Variants in DCAF15 observed in about 807,000 individuals in gnomAD.
The protein encoded by DCAF15 is DDB1- and CUL4-associated factor 15.
A neutral mutation model predicts 68.0 loss-of-function variants in DCAF15; 24 were observed. The observed-to-expected ratio is 0.35, with a 90% CI of 0.26 to 0.50. The LOEUF (loss-of-function observed/expected upper bound fraction) is 0.50. Among genes scored for constraint, DCAF15 ranks in the 20% least tolerant of loss-of-function variants. The pLI is 0.98. For synonymous variants in DCAF15, 376 were observed against 341.6 expected, an observed-to-expected ratio of 1.10 and a Z score of -1.11; for missense variants, 627 against 830.6, an observed-to-expected ratio of 0.75 and a Z score of 3.01.
At chr19:13,953,013 TC>T in intron 1 of DCAF15, 1 of 1,302,832 alleles carries the variant, frequency 7.7e-7, no homozygotes, top group Non-Finnish European at 1.1e-6. Context: ...AATGGAACCT[TC>T]CCGCCCCCTT....
In DCAF15 at chr19:13,956,072, T is replaced by C. The variant is rs112164370; in HGVS notation, c.474-51T>C. On this transcript the variant is annotated intron_variant, in intron 4 of 12. Transcript: ENST00000254337. ...GCTGGTTGGGGCAGGGGGTGTGCAG[T>C]GGGGGCCCCCCAGGCGCCGACCAGG... The C allele has an allele frequency of 5.8e-3, 9,339 of 1,610,060 alleles. 264 individuals carry two copies. In the African/African-American group the frequency reaches 0.075, roughly 13 times the overall value.
Position 13,961,126 on chromosome 19 carries a change from G to A in DCAF15, c.*131G>A, listed in dbSNP as rs558449331. On this transcript the variant is annotated 3_prime_UTR_variant, in exon 13 of 13. Transcript: ENST00000254337. The stretch of plus-strand genomic sequence containing the variant: ...CGGCACTAGTGTTAGCCTGCGGAAC[G>A]GGGCTGGGCAGGGCAGCCTCTGTTG... The A allele has an allele frequency of 4.3e-5, 49 of 1,137,648 alleles. No homozygotes were observed. Among genetic ancestry groups the A allele is most frequent in the South Asian group, 4.2e-4 (32 of 75,834 alleles). The allele number at this position is 1,137,648 out of a possible 1,614,324, so 70.5% of individuals were successfully genotyped here. A position where few individuals can be genotyped will look rare whatever the true frequency, so the allele number is the denominator to read the frequency against.
At chr19:13,955,147 AC>A (rs1393067290) in intron 3 of DCAF15, among the ~76,000 whole-genome samples, 1 of 152,082 alleles carries the variant, frequency 6.6e-6, no homozygotes, top group Non-Finnish European at 1.5e-5. Flanking sequence ...AAGGCTGGCC[AC>A]AGTGGCTCAC....
At position 13,956,258 on chromosome 19, in the gene DCAF15, C is replaced by T; in HGVS notation, c.609C>T (p.His203=). Residue 203 remains histidine (H), a synonymous_variant, in exon 5 of 13, where the codon CAC becomes CAT. Coordinates refer to ENST00000254337, the MANE Select transcript of DCAF15 (RefSeq NM_138353.4). Reference sequence around the variant, plus strand: ...CTTGCCAGGATGCCAGCCGAGCCCACCCAGGTGAGGGGGCCGAGGGGGCGA... The same window carrying T: ...CTTGCCAGGATGCCAGCCGAGCCCATCCAGGTGAGGGGGCCGAGGGGGCGA... The part of the protein sequence containing the change: ...CAACQDASRA[H]PGDPNAQCLR... The T allele has an allele frequency of 6.2e-7, 1 of 1,612,402 alleles. No individual in the cohort carries two copies. The highest frequency in any genetic ancestry group is 8.5e-7 in the Non-Finnish European group (1 of 1,179,710).
At chr19:13,960,178 TG>T in intron 10 of DCAF15, 108 bp from the exon 11 acceptor site, 3 of 1,569,638 alleles carry the variant, frequency 1.9e-6, no homozygotes, top group Non-Finnish European at 2.6e-6. Flanking sequence ...ACAACCTGGC[TG>T]GGCCCCTCCA....
intron 12 of DCAF15, 37 bp from the exon 13 acceptor site, chr19:13,960,903 C>T (rs749586845): frequency 1.4e-5 from 23 of 1,613,418 alleles, no homozygotes; most frequent in Non-Finnish European, 1.9e-5. Flanking sequence ...GCCAGGCAGG[C>T]AGGGGCTCTA....
rs771905010 is a variant in DCAF15 at position 13,959,454 on chromosome 19, C to T, written c.1194C>T (p.Ser398=). ...NYTKLYYVLE[S]GEGTEPEDEL... ...CCAAGCTGTACTATGTGCTGGAGTC[C>T]GGAGAGGGGACGGAGCCGGAGGATG... Residue 398 remains serine, a synonymous_variant, in exon 7 of 13, where the codon TCC becomes TCT. Coordinates refer to ENST00000254337, the MANE Select transcript of DCAF15 (RefSeq NM_138353.4). The T allele has an allele frequency of 1.4e-5, 23 of 1,609,390 alleles. No individual in the cohort carries two copies. The highest frequency in any genetic ancestry group is 2.2e-5 in the East Asian group (1 of 44,804).
chr19:13,959,968 C>A lies in DCAF15; in HGVS notation c.1441-16C>A. 6.2e-7 allele frequency: 1 copy of A among 1,613,622 alleles called. No homozygotes were observed. Among genetic ancestry groups the A allele is most frequent in the Non-Finnish European group, 8.5e-7 (1 of 1,179,792 alleles). ...GGTCGCCCTCAACAGTTGGCATCAT[C>A]CACCCCCACCCCCAGGTCTGCCCAG... is the stretch of plus-strand genomic sequence containing the variant. On this transcript the variant is annotated splice_polypyrimidine_tract_variant and intron_variant, in intron 9 of 12. Transcript: ENST00000254337.
rs1384962717 is a variant in DCAF15, at chr19:13,960,302, C to T, written c.1542C>T (p.His514=). 6.2e-7 allele frequency: 1 copy of T among 1,614,038 alleles called. No homozygotes were observed. The highest frequency in any genetic ancestry group is 2.2e-5 in the East Asian group (1 of 44,880). Residue 514 remains histidine (H), a synonymous_variant, in exon 11 of 13, where the codon CAC becomes CAT. Transcript: ENST00000254337. ...TCCACTGTAGACCAAAGACCTATCA[C>T]ACCAGCCTCAAGGTGGCATGGGACC... The part of the protein sequence containing the change: ...EEGQLRPKTY[H]TSLKVAWDLN...
chr19:13,953,075 C>T (rs1973154939), intron 1 of DCAF15: 7 of 1,550,308 alleles, frequency 4.5e-6, no homozygotes, highest in Middle Eastern at 1.7e-4. Flanking sequence ...ATGTTCCTCT[C>T]CCTGCCCAAG....
At chr19:13,958,166 A>G (rs1408364540) in intron 6 of DCAF15, among the ~76,000 whole-genome samples, 1 of 152,094 alleles carries the variant, frequency 6.6e-6, no homozygotes, top group Non-Finnish European at 1.5e-5. Context: ...GCGAGGGTTG[A>G]CGCCGCTCTG....
chr19:13,960,940 G>A lies in DCAF15; in HGVS notation c.1748G>A (p.Gly583Glu). 6.2e-7 allele frequency: 1 copy of A among 1,614,000 alleles called. No individual in the cohort carries two copies. Among genetic ancestry groups the A allele is most frequent in the Non-Finnish European group, 8.5e-7 (1 of 1,180,030 alleles). ...GCTTTGTCTCCACCTGTCCCTGTAG[G>A]GTGCTCCCTGAAGGTTCTGGCGGAC... is the stretch of plus-strand genomic sequence containing the variant. ...NRMTNEALHK[G>E]CSLKVLADSE... The change falls in exon 13 of 13, where the codon GGG becomes GAG. Residue 583 changes from glycine to glutamate, a missense_variant and splice_region_variant. Coordinates refer to ENST00000254337, the MANE Select transcript of DCAF15 (RefSeq NM_138353.4).
Position 13,961,168 on chromosome 19 carries a change from G to A in DCAF15, c.*173G>A, listed in dbSNP as rs916535313. 6.8e-6 allele frequency: 5 copies of A among 739,122 alleles called. No homozygotes were observed. Among genetic ancestry groups the A allele is most frequent in the Non-Finnish European group, 1.1e-5 (5 of 453,180 alleles). 45.8% of individuals were successfully genotyped at this position (739,122 alleles called of 1,614,324 possible). On this transcript the variant is annotated 3_prime_UTR_variant, in exon 13 of 13. Transcript: ENST00000254337. ...CCTCTGTTGGCCTGAGGGTCTGGAC[G>A]CTTTTTATTTATGCCTATTTAAGTT...
rs752106930 is a variant in DCAF15 at position 13,959,480 on chromosome 19, G to A, written c.1219+1G>A. The A allele has an allele frequency of 6.2e-7, 1 of 1,609,336 alleles. No homozygotes were observed. The highest frequency in any genetic ancestry group is 8.5e-7 in the Non-Finnish European group (1 of 1,177,550). On this transcript the variant is annotated splice_donor_variant, in intron 7 of 12. Coordinates refer to ENST00000254337, the MANE Select transcript of DCAF15 (RefSeq NM_138353.4). LOFTEE classifies it high-confidence loss of function. The stretch of plus-strand genomic sequence containing the variant: ...GGAGAGGGGACGGAGCCGGAGGATG[G>A]TGAGCGGGGGGCAGGCATGTGACAG...
intron 1 of DCAF15, chr19:13,952,980 C>T (rs1197363103): frequency 9.4e-7 from 1 of 1,069,350 alleles, no homozygotes; most frequent in East Asian, 2.8e-5. Flanking sequence ...CTTTTCAAAG[C>T]TCTGCTCCCA....
At chr19:13,953,251 GTC>G in intron 1 of DCAF15, 2 of 1,028,974 alleles carry the variant, frequency 1.9e-6, no homozygotes, top group Non-Finnish European at 2.8e-6. Flanking sequence ...GGGGGATGAT[GTC>G]TCTCTCCCCC....
Position 13,952,545 on chromosome 19 carries a change from C to G in DCAF15, c.33C>G (p.Ser11Arg), listed in dbSNP as rs1432553989. MAPSSKSERN[S>R]GAGSGGGGPG... ...CCAGCTCGAAATCGGAGCGGAACAGCGGGGCTGGGAGCGGCGGCGGCGGCC... is the reference window on the plus strand; with the variant it reads ...CCAGCTCGAAATCGGAGCGGAACAGGGGGGCTGGGAGCGGCGGCGGCGGCC... Residue 11 changes from serine (S) to arginine (R), a missense_variant, in exon 1 of 13, where the codon AGC becomes AGG. By Grantham distance (110) the Ser-to-Arg change is moderately radical. This residue lies in a region of DCAF15 where 273 missense variants were observed against 393.7 expected (regional missense o/e 0.69). Transcript: ENST00000254337. The G allele has an allele frequency of 1.6e-6, 2 of 1,260,058 alleles. No homozygotes were observed. Among genetic ancestry groups the G allele is most frequent in the Non-Finnish European group, 2.0e-6 (2 of 997,384 alleles). 78.1% of individuals were successfully genotyped at this position (1,260,058 alleles called of 1,614,324 possible).
In DCAF15 at chr19:13,954,337, C is replaced by T. The variant is rs760535568; in HGVS notation, c.133-3C>T. On this transcript the variant is annotated splice_polypyrimidine_tract_variant and splice_region_variant and intron_variant, in intron 1 of 12. Transcript: ENST00000254337. ...TGAAGTGCCCTGGCCACCCCTTCCC[C>T]AGATCAGCGGACAGCTCTCCCCTCG... 9 of 1,612,768 alleles carry T rather than the reference C, an allele frequency of 5.6e-6. No individual in the cohort carries two copies. The Admixed American group carries it at 1.2e-4, about 21-fold the overall frequency.
intron 9 of DCAF15, 25 bp downstream of exon 9, chr19:13,959,920 G>GCCCAGGGCGGGCAGGGTGGA (rs753525390): frequency 2.1e-5 from 34 of 1,612,766 alleles, no homozygotes; most frequent in Admixed American, 2.0e-4. Flanking sequence ...GGCAGGGTGG[G>GCCCAGGGCGGGCAGGGTGGA]CCCAGGGCCT....
Sources: allele counts gnomAD v4.1 joint callset (sites outside exome capture counted in the v4.1 genomes callset), GRCh38; gene constraint gnomAD v4.1.1; regional missense constraint gnomAD v4.1.1; transcripts MANE v1.5; gene names NCBI Gene and HGNC (gene_info 2026-07-23, HGNC 2026-07-21).